TRIP12: variants seen among roughly 807,000 people sequenced by gnomAD.
The protein encoded by TRIP12 is thyroid hormone receptor interactor 12, also known as E3 ubiquitin-protein ligase TRIP12.
A neutral mutation model predicts 244.2 loss-of-function variants in TRIP12; 25 were observed. That is an observed-to-expected ratio of 0.10 (90% CI 0.07 to 0.14). The LOEUF (loss-of-function observed/expected upper bound fraction) is 0.14. Ranked by LOEUF, TRIP12 falls within the 10% of genes least tolerant of loss-of-function variation. The pLI, the probability that TRIP12 is intolerant of heterozygous loss-of-function variation, is 1.00. For missense variants in TRIP12, 1,677 were observed against 2,486.4 expected (o/e 0.67, Z 6.92); for synonymous variants, 905 against 873.1 (o/e 1.04, Z -0.64).
intron 33 of TRIP12, among the ~76,000 whole-genome samples, chr2:229,786,564 ATTTTTTTTT>A (rs34969936): frequency 0.021 from 1,603 of 78,112 alleles, 18 homozygotes; most frequent in South Asian, 0.049. Context: ...CGCCCAGATA[ATTTTTTTTT>A]TTTTTTTTTT....
chr2:229,860,464 C>T lies in TRIP12; in HGVS notation c.166G>A (p.Ala56Thr). ...GTAGTATTAGACTGCACTTTGGGTGCCTTAGAATTAGATTTTCTACTCTCA... is the reference window on the plus strand; with the variant it reads ...GTAGTATTAGACTGCACTTTGGGTGTCTTAGAATTAGATTTTCTACTCTCA... ...PPESRKSNSK[A>T]PKVQSNTTSE... Residue 56 changes from alanine (A) to threonine (T), a missense_variant, in exon 3 of 42, where the codon GCA becomes ACA. Coordinates refer to ENST00000675903, the MANE Select transcript of TRIP12 (RefSeq NM_001348323.3). 1 of 1,611,832 alleles carries T rather than the reference C, an allele frequency of 6.2e-7. No homozygotes were observed. The highest frequency in any genetic ancestry group is 8.5e-7 in the Non-Finnish European group (1 of 1,179,306).
intron 15 of TRIP12, 81 bp from the exon 16 acceptor site, chr2:229,808,450 G>C: frequency 1.2e-6 from 1 of 854,838 alleles, no homozygotes; most frequent in Non-Finnish European, 1.9e-6. Context: ...TGCCCAAGGG[G>C]GGAAAATAAT....
chr2:229,815,033 AT>A, intron 11 of TRIP12, 65 bp downstream of exon 11: 10 of 1,237,258 alleles, frequency 8.1e-6, no homozygotes, highest in Non-Finnish European at 1.1e-5. Context: ...GAAAGCTAAA[AT>A]TCAAGAGTTT....
chr2:229,922,174 C>CG (rs1052639975), upstream of TRIP12: 1 of 210,938 alleles, frequency 4.7e-6, no homozygotes, highest in African/African-American at 2.3e-5. Flanking sequence ...CCACGCCTCC[C>CG]GGCTCGACTC....
intron 31 of TRIP12, among the ~76,000 whole-genome samples, chr2:229,789,203 T>A (rs1230626139): frequency 6.6e-6 from 1 of 152,196 alleles, no homozygotes; most frequent in African/African-American, 2.4e-5. Flanking sequence ...TTCAGTGATG[T>A]TGCAGCTAAT....
In TRIP12 at chr2:229,765,128, A is replaced by T. The variant is rs1027949822; in HGVS notation, c.*2426T>A. On this transcript the variant is annotated 3_prime_UTR_variant, in exon 42 of 42. Transcript: ENST00000675903. ...AAATACGTTCTCATATATAAAGCAG[A>T]TCGAATCAGTAACTGTCTAAATGAC... The T allele has an allele frequency of 9.2e-5, 14 of 152,168 alleles. No individual in the cohort carries two copies. Among genetic ancestry groups the T allele is most frequent in the African/African-American group, 3.4e-4 (14 of 41,450 alleles). 9.4% of individuals were successfully genotyped at this position (152,168 alleles called of 1,614,324 possible).
chr2:229,810,486 C>T (rs1022010815), intron 15 of TRIP12, among the ~76,000 whole-genome samples: 2 of 152,150 alleles, frequency 1.3e-5, no homozygotes, highest in African/African-American at 4.8e-5. Flanking sequence ...GGGAAGACAG[C>T]ATTCTGGAAT....
At chr2:229,787,217 G>A (rs2040317577) in intron 33 of TRIP12, among the ~76,000 whole-genome samples, 1 of 152,106 alleles carries the variant, frequency 6.6e-6, no homozygotes, top group South Asian at 2.1e-4. Flanking sequence ...AAAAGTTTCA[G>A]TGAGAGAAGA....
chr2:229,846,228 C>T (rs1048805363), intron 4 of TRIP12, among the ~76,000 whole-genome samples: 36 of 152,218 alleles, frequency 2.4e-4, no homozygotes, highest in African/African-American at 7.7e-4. Context: ...CAAACAGCAT[C>T]GCATGCTATA....
intron 29 of TRIP12, 63 bp from the exon 30 acceptor site, chr2:229,791,314 C>A: frequency 6.3e-7 from 1 of 1,577,288 alleles, no homozygotes; most frequent in South Asian, 1.1e-5. Flanking sequence ...AAGCCAAAAT[C>A]TAAGCCACAG....
chr2:229,866,860 G>GTTTT (rs1042209076), intron 2 of TRIP12, among the ~76,000 whole-genome samples: 1 of 152,060 alleles, frequency 6.6e-6, no homozygotes, highest in Admixed American at 6.6e-5. Flanking sequence ...GAAAAGCTGA[G>GTTTT]GAAAAAAAGC....
intron 38 of TRIP12, among the ~76,000 whole-genome samples, chr2:229,772,293 T>C (rs2034638045): frequency 6.6e-6 from 1 of 152,242 alleles, no homozygotes; most frequent in African/African-American, 2.4e-5. Context: ...AGCATTAGTA[T>C]AAATTATTTT....
chr2:229,853,822 A>C (rs2059145434), intron 4 of TRIP12, among the ~76,000 whole-genome samples: 1 of 152,198 alleles, frequency 6.6e-6, no homozygotes, highest in Admixed American at 6.5e-5. Context: ...ACAAGGAGGA[A>C]TCTTATTATT....
chr2:229,875,916 C>T (rs1473705717), intron 2 of TRIP12, among the ~76,000 whole-genome samples: 1 of 152,174 alleles, frequency 6.6e-6, no homozygotes, highest in African/African-American at 2.4e-5. Context: ...ACTCCCAAAA[C>T]TCCCTGGAAA....
At chr2:229,875,733 T>C (rs2063462569) in intron 2 of TRIP12, among the ~76,000 whole-genome samples, 2 of 152,206 alleles carry the variant, frequency 1.3e-5, no homozygotes, top group African/African-American at 4.8e-5. Flanking sequence ...CTGCTATTAT[T>C]ATCATTAGTT....
At chr2:229,912,866 T>C (rs1185973739) in intron 1 of TRIP12, among the ~76,000 whole-genome samples, 2 of 151,882 alleles carry the variant, frequency 1.3e-5, no homozygotes, top group East Asian at 3.8e-4. Context: ...TAGCTGCTGA[T>C]GAGTATTTGT....
intron 11 of TRIP12, 97 bp from the exon 12 acceptor site, chr2:229,814,422 C>T (rs1416196062): frequency 8.7e-7 from 1 of 1,152,850 alleles, no homozygotes; most frequent in African/African-American, 1.5e-5. Flanking sequence ...TCCATGTATA[C>T]TATCTCTAAC....
At chr2:229,795,155 G>A (rs1347487084) in intron 26 of TRIP12, 24 bp downstream of exon 26, 67 of 1,609,102 alleles carry the variant, frequency 4.2e-5, no homozygotes, top group Non-Finnish European at 5.5e-5. Flanking sequence ...AGTGGCAAGG[G>A]TATAGCCAGG....
At chr2:229,891,399 T>C (rs2067322787) in intron 1 of TRIP12, among the ~76,000 whole-genome samples, 1 of 152,014 alleles carries the variant, frequency 6.6e-6, no homozygotes, top group African/African-American at 2.4e-5. Flanking sequence ...TACTCTAACC[T>C]GGGCGACAGA....
Sources: gnomAD v4.1 joint callset for allele counts (sites outside exome capture counted in the v4.1 genomes callset) on GRCh38, gnomAD v4.1.1 for gene constraint, MANE v1.5 for transcripts, NCBI Gene and HGNC (gene_info 2026-07-23, HGNC 2026-07-21) for gene names.